PAQR3: variants seen among roughly 807,000 people sequenced by gnomAD.
PAQR3 encodes the protein Raf kinase trapping to Golgi.
A neutral mutation model predicts 41.7 loss-of-function variants in PAQR3; 39 were observed. The observed-to-expected ratio is 0.93, with a 90% CI of 0.72 to 1.22. The LOEUF (loss-of-function observed/expected upper bound fraction) is 1.22. Ranked by LOEUF, PAQR3 falls within the 50% of genes most tolerant of loss-of-function variation. The pLI, the probability that PAQR3 is intolerant of heterozygous loss-of-function variation, is 0.00. For missense variants in PAQR3, 366 were observed against 385.6 expected (o/e 0.95, Z 0.42); for synonymous variants, 140 against 140.6 (o/e 1.00, Z 0.03).
At chr4:78,924,205 A>G (rs947317779) in intron 4 of PAQR3, among the ~76,000 whole-genome samples, 5 of 152,112 alleles carry the variant, frequency 3.3e-5, no homozygotes, top group Admixed American at 1.3e-4. Flanking sequence ...CTCCATCTAC[A>G]ATGTAGGTAT....
intron 2 of PAQR3, among the ~76,000 whole-genome samples, chr4:78,932,675 A>G (rs1201924052): frequency 6.6e-6 from 1 of 152,220 alleles, no homozygotes; most frequent in African/African-American, 2.4e-5. Flanking sequence ...AGTAATAATT[A>G]GAAACAAACA....
At chr4:78,934,550 A>G (rs1737230871) in intron 2 of PAQR3, among the ~76,000 whole-genome samples, 1 of 152,242 alleles carries the variant, frequency 6.6e-6, no homozygotes, top group South Asian at 2.1e-4. Flanking sequence ...TAACTTTTAA[A>G]GACATTTTTA....
At chr4:78,928,944 C>T (rs1006051253) in intron 3 of PAQR3, among the ~76,000 whole-genome samples, 1 of 152,234 alleles carries the variant, frequency 6.6e-6, no homozygotes, top group African/African-American at 2.4e-5. Flanking sequence ...AACCTAAATC[C>T]TTTGCATGTG....
downstream of PAQR3, chr4:78,911,253 T>C: frequency 6.2e-7 from 1 of 1,613,972 alleles, no homozygotes; most frequent in Non-Finnish European, 8.5e-7. Flanking sequence ...CAAAGGCGCC[T>C]TTTAGCAAGA....
At position 78,912,920 on chromosome 4, in the gene PAQR3, A is replaced by G. The variant is rs1447199628; in HGVS notation, c.*7619T>C. ...CACTTTATGCATGGCTTCTTGCCCCAAACTTTTATTGTGATGGCCCTAATA... is the reference window on the plus strand; with the variant it reads ...CACTTTATGCATGGCTTCTTGCCCCGAACTTTTATTGTGATGGCCCTAATA... On this transcript the variant is annotated 3_prime_UTR_variant, in exon 6 of 6. Transcript: ENST00000512733. 10 of 152,186 alleles carry G rather than the reference A, an allele frequency of 6.6e-5. No homozygotes were observed. Among genetic ancestry groups the G allele is most frequent in the African/African-American group, 1.7e-4 (7 of 41,442 alleles). The allele number at this position is 152,186 out of a possible 1,614,324, so 9.4% of individuals were successfully genotyped here.
intron 11 of PAQR3, among the ~76,000 whole-genome samples, chr4:78,900,577 T>C (rs1453559214): frequency 1.3e-5 from 2 of 152,232 alleles, no homozygotes; most frequent in Non-Finnish European, 2.9e-5. Flanking sequence ...GGATAATTCA[T>C]GTATTCACAG....
At chr4:78,908,601 C>A (rs775364120), downstream of PAQR3, among the ~76,000 whole-genome samples, 5 of 152,148 alleles carry the variant, frequency 3.3e-5, no homozygotes, top group Non-Finnish European at 7.3e-5. Flanking sequence ...AATCTATTTT[C>A]TTCAGCCAAA....
chr4:78,893,906 G>C (rs1470588847), intron 11 of PAQR3, among the ~76,000 whole-genome samples: 3 of 152,172 alleles, frequency 2.0e-5, no homozygotes, highest in Admixed American at 2.0e-4. Flanking sequence ...TCCATGGGCT[G>C]CAGATGGGAT....
downstream of PAQR3, chr4:78,911,684 G>A (rs1011274561): frequency 1.9e-6 from 3 of 1,613,922 alleles, no homozygotes; most frequent in African/African-American, 1.3e-5. Context: ...GAGAACATTA[G>A]TGTTGCACTG....
At chr4:78,889,527 A>C (rs1733311732) in intron 11 of PAQR3, among the ~76,000 whole-genome samples, 1 of 152,182 alleles carries the variant, frequency 6.6e-6, no homozygotes. Flanking sequence ...TTTTAGGTAA[A>C]AATGTATTTG....
chr4:78,904,086 A>G (rs1267545271), intron 11 of PAQR3, among the ~76,000 whole-genome samples: 1 of 152,000 alleles, frequency 6.6e-6, no homozygotes, highest in Non-Finnish European at 1.5e-5. Context: ...TAAAGCCATC[A>G]AAAGGAAAAA....
downstream of PAQR3, among the ~76,000 whole-genome samples, chr4:78,908,374 T>C (rs987785304): frequency 6.6e-6 from 1 of 152,202 alleles, no homozygotes; most frequent in Non-Finnish European, 1.5e-5. Context: ...CATTCTTCTC[T>C]CTCCATTTCT....
rs1734846007 is a variant in PAQR3 at position 78,914,103 on chromosome 4, A to G, written c.*6436T>C. The G allele has an allele frequency of 6.6e-6, 1 of 152,202 alleles. No individual in the cohort carries two copies. Among genetic ancestry groups the G allele is most frequent in the African/African-American group, 2.4e-5 (1 of 41,566 alleles). The allele number at this position is 152,202 out of a possible 1,614,324, so 9.4% of individuals were successfully genotyped here. A position where few individuals can be genotyped will look rare whatever the true frequency, so the allele number is the denominator to read the frequency against. On this transcript the variant is annotated 3_prime_UTR_variant, in exon 6 of 6. Coordinates refer to ENST00000512733, the MANE Select transcript of PAQR3 (RefSeq NM_001040202.2). ...AATGAAAATCTGTTGAGGTGTACAC[A>G]ATATGCTTCTTGATTGTATTAGTCC...
At chr4:78,922,210 G>T in intron 5 of PAQR3, 1 of 1,186,572 alleles carries the variant, frequency 8.4e-7, no homozygotes, top group Non-Finnish European at 1.1e-6. Context: ...GCATGTCCTA[G>T]ATCTGTTCCC....
Position 78,926,617 on chromosome 4 carries a change from G to C in PAQR3, c.606C>G (p.Leu202=). Reference sequence around the variant, plus strand: ...AAACAGAACAAAAGATGATAGAACGGAGCCTTTGCCATTGCTGCGTGAGGT... The same window carrying C: ...AAACAGAACAAAAGATGATAGAACGCAGCCTTTGCCATTGCTGCGTGAGGT... ...PNYLTQQWQR[L]RSIIFCSVSG... Residue 202 remains leucine (L), a synonymous_variant, in exon 4 of 6, where the codon CTC becomes CTG. Transcript: ENST00000512733. 1 of 1,613,900 alleles carries C rather than the reference G, an allele frequency of 6.2e-7. No individual in the cohort carries two copies. The highest frequency in any genetic ancestry group is 8.5e-7 in the Non-Finnish European group (1 of 1,179,828).
intron 2 of PAQR3, 39 bp downstream of exon 2, chr4:78,935,082 G>T: frequency 1.3e-6 from 2 of 1,598,450 alleles, no homozygotes; most frequent in South Asian, 1.1e-5. Flanking sequence ...CTGTCAAAAA[G>T]TTCTCTTTAC....
Position 78,920,785 on chromosome 4 carries a change from C to G in PAQR3, c.794-104G>C, listed in dbSNP as rs1171254462. 3.1e-6 allele frequency: 4 copies of G among 1,272,468 alleles called. No homozygotes were observed. In the African/African-American group the frequency reaches 6.1e-5, roughly 19 times the overall value. 78.8% of individuals were successfully genotyped at this position (1,272,468 alleles called of 1,614,324 possible). On this transcript the variant is annotated intron_variant, in intron 5 of 5. Transcript: ENST00000512733. Reference sequence around the variant, plus strand: ...AGCTTAGCAGAAAAATTTTCATAGTCTCAGAGTGCCTAGAGACTAACTGGA... The same window carrying G: ...AGCTTAGCAGAAAAATTTTCATAGTGTCAGAGTGCCTAGAGACTAACTGGA...
rs1578007770 is a variant in PAQR3 at position 78,920,471 on chromosome 4, T to C, written c.*68A>G. 4 of 1,469,898 alleles carry C rather than the reference T, an allele frequency of 2.7e-6. No homozygotes were observed. The highest frequency in any genetic ancestry group is 5.0e-5 in the East Asian group (2 of 39,952). 91.1% of individuals were successfully genotyped at this position (1,469,898 alleles called of 1,614,324 possible). A position where few individuals can be genotyped will look rare whatever the true frequency, so the allele number is the denominator to read the frequency against. ...GGAAAACTAATGGGAATCTTAGAAA[T>C]AGTGGGGTATACAATTCCCCATTAT... is the stretch of plus-strand genomic sequence containing the variant. On this transcript the variant is annotated 3_prime_UTR_variant, in exon 6 of 6. Coordinates refer to ENST00000512733, the MANE Select transcript of PAQR3 (RefSeq NM_001040202.2).
Position 78,919,658 on chromosome 4 carries a change from G to A in PAQR3, c.*881C>T. 3 of 985,116 alleles carry A rather than the reference G, an allele frequency of 3.0e-6. No homozygotes were observed. The highest frequency in any genetic ancestry group is 3.6e-6 in the Non-Finnish European group (3 of 829,778). 61.0% of individuals were successfully genotyped at this position (985,116 alleles called of 1,614,324 possible). On this transcript the variant is annotated 3_prime_UTR_variant, in exon 6 of 6. Coordinates refer to ENST00000512733, the MANE Select transcript of PAQR3 (RefSeq NM_001040202.2). ...TTGCAAGTAGCACCCACAATGCTGG[G>A]AACCCCCACCACTGGGATATTCAGG... is the stretch of plus-strand genomic sequence containing the variant.
Sources: allele counts gnomAD v4.1 joint callset (sites outside exome capture counted in the v4.1 genomes callset), GRCh38; gene constraint gnomAD v4.1.1; transcripts MANE v1.5; gene names NCBI Gene and HGNC (gene_info 2026-07-23, HGNC 2026-07-21).